PAK5: variants seen among roughly 807,000 people sequenced by gnomAD.
PAK5 encodes serine/threonine-protein kinase PAK 5.
Under a neutral mutation model 65.9 loss-of-function variants are expected in PAK5, and 16 were observed. The observed-to-expected ratio is 0.24, with a 90% CI of 0.16 to 0.37. The LOEUF (loss-of-function observed/expected upper bound fraction) is 0.37, where lower values mean the gene tolerates loss of function less well. Ranked by LOEUF, PAK5 falls within the 10% of genes least tolerant of loss-of-function variation. The probability of loss-of-function intolerance (pLI) is 1.00; values close to 1 mark genes in which losing one functional copy is unlikely to be tolerated. For synonymous variants in PAK5, 371 were observed against 354.9 expected (o/e 1.05, Z -0.51); for missense variants, 785 against 903.9 (o/e 0.87, Z 1.69).
At chr20:9,656,340 G>T (rs1024349904) in intron 2 of PAK5, among the ~76,000 whole-genome samples, 1 of 151,988 alleles carries the variant, frequency 6.6e-6, no homozygotes, top group African/African-American at 2.4e-5. Flanking sequence ...CTTCTAACAA[G>T]CAGACAGCAC....
chr20:9,581,044 G>A (rs913867572), intron 3 of PAK5, 114 bp from the exon 4 acceptor site: 1 of 711,776 alleles, frequency 1.4e-6, no homozygotes, highest in African/African-American at 1.8e-5. Flanking sequence ...AAAGACCCCG[G>A]GAACACTTAA....
At chr20:9,783,097 C>T (rs555041208) in intron 1 of PAK5, among the ~76,000 whole-genome samples, 8 of 151,850 alleles carry the variant, frequency 5.3e-5, no homozygotes, top group South Asian at 2.1e-4. Flanking sequence ...CCACCATAAT[C>T]GGCTAATTTT....
At chr20:9,815,392 T>C (rs2049344711) in intron 1 of PAK5, among the ~76,000 whole-genome samples, 1 of 152,134 alleles carries the variant, frequency 6.6e-6, no homozygotes, top group Admixed American at 6.6e-5. Flanking sequence ...TTGGAGTTTC[T>C]TGGGAAGAAA....
intron 2 of PAK5, among the ~76,000 whole-genome samples, chr20:9,680,053 A>G (rs1221665721): frequency 3.3e-5 from 5 of 152,180 alleles, no homozygotes; most frequent in African/African-American, 9.7e-5. Context: ...AAACCTACCT[A>G]TGTGATCCGT....
In PAK5 at chr20:9,757,608, T is replaced by C. The variant is rs2048649899; in HGVS notation, c.-161-46173A>G. ...AGATTCAGTGGAGGGTTTTGTCATA[T>C]TTCAGCATGGACTTGAATCCTTAGG... On this transcript the variant is annotated intron_variant, in intron 1 of 9. Transcript: ENST00000353224. 2.0e-5 allele frequency among the ~76,000 whole-genome samples: 3 copies of C among 152,304 alleles called. No homozygotes were observed. The South Asian group carries it at 6.2e-4, about 32-fold the overall frequency.
Position 9,565,877 on chromosome 20 carries a change from C to A in PAK5, c.1482+16G>T, listed in dbSNP as rs2122991128. 1 of 1,597,540 alleles carries A rather than the reference C, an allele frequency of 6.3e-7. No individual in the cohort carries two copies. The highest frequency in any genetic ancestry group is 8.6e-7 in the Non-Finnish European group (1 of 1,169,338). On this transcript the variant is annotated intron_variant, in intron 5 of 9. Coordinates refer to ENST00000353224, the MANE Select transcript of PAK5 (RefSeq NM_177990.4). ...GTTACAAAGGAGAGAAAGGATGACC[C>A]AAACACACTCTTTACCTCATTGAAA...
intron 1 of PAK5, among the ~76,000 whole-genome samples, chr20:9,771,472 A>T (rs1315416645): frequency 6.6e-6 from 1 of 151,682 alleles, no homozygotes; most frequent in Non-Finnish European, 1.5e-5. Flanking sequence ...GCACTGGTGT[A>T]ATCACTGCTC....
At chr20:9,735,953 G>GGC in intron 1 of PAK5, among the ~76,000 whole-genome samples, 1 of 150,084 alleles carries the variant, frequency 6.7e-6, no homozygotes, top group East Asian at 2.0e-4. Context: ...CTAGGCTGGA[G>GGC]TGCAATGGCA....
chr20:9,701,962 T>C (rs977554226), intron 2 of PAK5, among the ~76,000 whole-genome samples: 3 of 152,080 alleles, frequency 2.0e-5, no homozygotes, highest in African/African-American at 7.2e-5. Context: ...ACTGTATCAC[T>C]GCACTCCAGC....
At chr20:9,703,082 C>T (rs2047960371) in intron 2 of PAK5, among the ~76,000 whole-genome samples, 1 of 152,132 alleles carries the variant, frequency 6.6e-6, no homozygotes, top group African/African-American at 2.4e-5. Flanking sequence ...ATTCTAACAT[C>T]CCTCCTCTCT....
intron 2 of PAK5, among the ~76,000 whole-genome samples, chr20:9,706,675 T>C (rs1038871590): frequency 6.0e-5 from 9 of 151,156 alleles, no homozygotes; most frequent in Non-Finnish European, 8.9e-5. Flanking sequence ...TTTTTTGCTG[T>C]TGTTGTTTGT....
intron 2 of PAK5, among the ~76,000 whole-genome samples, chr20:9,662,106 T>C (rs1017753841): frequency 5.9e-5 from 9 of 152,172 alleles, no homozygotes; most frequent in Admixed American, 4.6e-4. Context: ...ATATATCTAA[T>C]TTATAATTTA....
chr20:9,749,380 G>A (rs2123611920), intron 1 of PAK5, among the ~76,000 whole-genome samples: 1 of 152,122 alleles, frequency 6.6e-6, no homozygotes, highest in Admixed American at 6.5e-5. Flanking sequence ...AAACATATCT[G>A]ATATTTGAAT....
intron 1 of PAK5, among the ~76,000 whole-genome samples, chr20:9,826,420 C>G (rs2049485204): frequency 6.6e-6 from 1 of 152,190 alleles, no homozygotes; most frequent in African/African-American, 2.4e-5. Context: ...TTAGTAGGCT[C>G]TAACTGGTAA....
intron 1 of PAK5, among the ~76,000 whole-genome samples, chr20:9,712,863 C>A (rs2048094417): frequency 6.6e-6 from 1 of 152,058 alleles, no homozygotes; most frequent in Non-Finnish European, 1.5e-5. Context: ...ATGCAAAAAT[C>A]AACTTAAAAT....
chr20:9,673,120 G>A (rs2123375038), intron 2 of PAK5, among the ~76,000 whole-genome samples: 1 of 152,258 alleles, frequency 6.6e-6, no homozygotes, highest in Non-Finnish European at 1.5e-5. Flanking sequence ...AATGTTTTTA[G>A]TGTGTTTGAC....
intron 1 of PAK5, among the ~76,000 whole-genome samples, chr20:9,821,983 C>T (rs373713325): frequency 8.5e-5 from 13 of 152,224 alleles, no homozygotes; most frequent in African/African-American, 3.1e-4. Context: ...ATCAACTGGT[C>T]CACCAGTACC....
chr20:9,820,299 C>T (rs1467014989), intron 1 of PAK5, among the ~76,000 whole-genome samples: 1 of 152,152 alleles, frequency 6.6e-6, no homozygotes, highest in Non-Finnish European at 1.5e-5. Context: ...TCTTTAAATG[C>T]ATTTTATAAA....
In PAK5 at chr20:9,557,688, C is replaced by T. The variant is rs34102290; in HGVS notation, c.1663G>A (p.Ala555Thr). The part of the protein sequence containing the change: ...IATVCLSVLR[A>T]LSYLHNQGVI... ...CCTTGGTTATGAAGGTAGGAGAGAG[C>T]TCTCAGAACTGACAGGCAGACAGTA... Residue 555 changes from alanine to threonine, a missense_variant, in exon 7 of 10, where the codon GCT (alanine) becomes ACT (threonine). Around this residue, in one of 4 missense-constraint regions of PAK5, gnomAD observed 182 missense variants for 273.0 expected, o/e 0.67. Coordinates refer to ENST00000353224, the MANE Select transcript of PAK5 (RefSeq NM_177990.4). 2 of 1,610,956 alleles carry T rather than the reference C, an allele frequency of 1.2e-6. No individual in the cohort carries two copies. The highest frequency in any genetic ancestry group is 1.3e-5 in the African/African-American group (1 of 74,968).
Sources: allele counts gnomAD v4.1 joint callset (sites outside exome capture counted in the v4.1 genomes callset), GRCh38; gene constraint gnomAD v4.1.1; regional missense constraint gnomAD v4.1.1; transcripts MANE v1.5; gene names NCBI Gene and HGNC (gene_info 2026-07-23, HGNC 2026-07-21).